Variants in MGAT4A observed in about 807,000 individuals in gnomAD.
The protein encoded by MGAT4A is alpha-1,3-mannosyl-glycoprotein 4-beta-N-acetylglucosaminyltransferase A, also known as N-acetylglucosaminyltransferase IVa.
Under a neutral mutation model 74.1 loss-of-function variants are expected in MGAT4A, and 33 were observed. That is an observed-to-expected ratio of 0.45 (90% confidence interval 0.34 to 0.60). The LOEUF is 0.60. MGAT4A is among the 20% of genes least tolerant of loss of function. The pLI is 0.02. For synonymous variants in MGAT4A, 198 were observed against 210.4 expected (o/e 0.94, Z 0.51); for missense variants, 479 against 628.3 (o/e 0.76, Z 2.54).
intron 8 of MGAT4A, among the ~76,000 whole-genome samples, chr2:98,654,885 C>G (rs1042286265): frequency 6.6e-5 from 10 of 152,152 alleles, no homozygotes; most frequent in Non-Finnish European, 1.5e-4. Context: ...CCTCATACTT[C>G]CTAATTTTAA....
chr2:98,679,384 C>A (rs911725466), intron 2 of MGAT4A, among the ~76,000 whole-genome samples: 7 of 124,798 alleles, frequency 5.6e-5, no homozygotes, highest in African/African-American at 2.2e-4. Flanking sequence ...CCAGCCTGGG[C>A]GACAGAGCAA....
At chr2:98,660,274 A>G (rs1701724020) in intron 5 of MGAT4A, among the ~76,000 whole-genome samples, 1 of 65,898 alleles carries the variant, frequency 1.5e-5, no homozygotes, top group African/African-American at 1.4e-4. Flanking sequence ...GGAAGAATTA[A>G]TATCATTTAA....
chr2:98,658,140 GGCA>G, intron 6 of MGAT4A, 75 bp downstream of exon 6: 2 of 861,120 alleles, frequency 2.3e-6, no homozygotes, highest in Admixed American at 4.5e-5. Flanking sequence ...TATCAAGGAA[GGCA>G]TTTTCTTTTA....
rs4851147 is a variant in MGAT4A, at chr2:98,683,452, T to C, written c.95-4981A>G. Among the ~76,000 whole-genome samples the C allele has an allele frequency of 6.3e-3, 952 of 152,280 alleles. 8 individuals are homozygous for C. The highest frequency in any genetic ancestry group is 0.016 in the Admixed American group (245 of 15,292). ...AAATGGTTCTGAAAAGAAACAAATA[T>C]CTGTAGAAAGGAAGATGATAGAGGC... On this transcript the variant is annotated intron_variant, in intron 2 of 15. Coordinates refer to ENST00000393487, the MANE Select transcript of MGAT4A (RefSeq NM_012214.3).
intron 14 of MGAT4A, among the ~76,000 whole-genome samples, chr2:98,631,535 G>C (rs1701232760): frequency 6.6e-6 from 1 of 152,242 alleles, no homozygotes; most frequent in Non-Finnish European, 1.5e-5. Context: ...CAAGTGGCTG[G>C]ACGTGGAGGG....
chr2:98,712,470 A>C (rs950478936), intron 2 of MGAT4A, among the ~76,000 whole-genome samples: 6 of 152,216 alleles, frequency 3.9e-5, no homozygotes, highest in Non-Finnish European at 8.8e-5. Context: ...ATGTGCACCA[A>C]AATACAGGAA....
intron 2 of MGAT4A, among the ~76,000 whole-genome samples, chr2:98,682,123 T>C (rs1702068055): frequency 6.6e-6 from 1 of 151,946 alleles, no homozygotes. Flanking sequence ...TAATGAACAT[T>C]AGAAAAACTG....
chr2:98,621,380 T>G lies in MGAT4A; in HGVS notation c.*4186A>C, dbSNP rs1701058216. On this transcript the variant is annotated 3_prime_UTR_variant, in exon 16 of 16. Coordinates refer to ENST00000393487, the MANE Select transcript of MGAT4A (RefSeq NM_012214.3). ...CTCCTTTGCTGTTAGCCAAGGCCTCTCTCAGCTCCTCAAAGCCATGTGCAT... is the reference window on the plus strand; with the variant it reads ...CTCCTTTGCTGTTAGCCAAGGCCTCGCTCAGCTCCTCAAAGCCATGTGCAT... The G allele has an allele frequency of 3.9e-6, 6 of 1,545,294 alleles. No individual in the cohort carries two copies. The Admixed American group carries it at 6.0e-5, about 15-fold the overall frequency.
At chr2:98,690,174 C>T (rs1702175707) in intron 2 of MGAT4A, among the ~76,000 whole-genome samples, 1 of 152,174 alleles carries the variant, frequency 6.6e-6, no homozygotes, top group African/African-American at 2.4e-5. Flanking sequence ...AGGCAGGGAG[C>T]CTAGACTTCC....
At chr2:98,720,306 A>G (rs926186338) in intron 2 of MGAT4A, among the ~76,000 whole-genome samples, 4 of 152,196 alleles carry the variant, frequency 2.6e-5, no homozygotes, top group South Asian at 2.1e-4. Flanking sequence ...ACCCTCACCA[A>G]TGTGGGTGGG....
intron 2 of MGAT4A, among the ~76,000 whole-genome samples, chr2:98,697,970 A>C (rs973493151): frequency 7.2e-5 from 11 of 152,224 alleles, no homozygotes; most frequent in South Asian, 6.2e-4. Context: ...TTTTTCATTG[A>C]CTTGATCATT....
intron 2 of MGAT4A, among the ~76,000 whole-genome samples, chr2:98,685,479 G>A (rs561385209): frequency 2.0e-5 from 3 of 151,950 alleles, no homozygotes; most frequent in Non-Finnish European, 2.9e-5. Context: ...GAAAGAAGAT[G>A]GCCTAGATGA....
intron 2 of MGAT4A, among the ~76,000 whole-genome samples, chr2:98,711,794 C>T (rs990853013): frequency 3.3e-5 from 5 of 152,252 alleles, no homozygotes; most frequent in African/African-American, 1.2e-4. Context: ...AAAGCCATCA[C>T]ACTCGGCTAA....
intron 5 of MGAT4A, among the ~76,000 whole-genome samples, chr2:98,659,493 T>C (rs1455179440): frequency 6.6e-6 from 1 of 152,124 alleles, no homozygotes; most frequent in Non-Finnish European, 1.5e-5. Context: ...GCCCTATTGA[T>C]ATGGTTTGGC....
intron 2 of MGAT4A, among the ~76,000 whole-genome samples, chr2:98,690,972 G>C (rs2104302283): frequency 6.6e-6 from 1 of 152,242 alleles, no homozygotes; most frequent in South Asian, 2.1e-4. Context: ...AAAATTAACA[G>C]AGCCTCAGGG....
chr2:98,723,210 G>C (rs1369433733), intron 2 of MGAT4A, among the ~76,000 whole-genome samples: 1 of 152,142 alleles, frequency 6.6e-6, no homozygotes, highest in Non-Finnish European at 1.5e-5. Context: ...AACTGTACTT[G>C]TAAGATTCTC....
chr2:98,641,571 G>A (rs1701410501), intron 10 of MGAT4A, among the ~76,000 whole-genome samples: 1 of 151,682 alleles, frequency 6.6e-6, no homozygotes, highest in South Asian at 2.1e-4. Context: ...AGCTATGCAG[G>A]AGGCTGAGGC....
At chr2:98,720,296 AC>A (rs1702648819) in intron 2 of MGAT4A, among the ~76,000 whole-genome samples, 1 of 152,106 alleles carries the variant, frequency 6.6e-6, no homozygotes, top group Non-Finnish European at 1.5e-5. Flanking sequence ...AAAGAACATG[AC>A]CCTCACCAAT....
At chr2:98,648,657 G>A (rs1701531751) in intron 8 of MGAT4A, among the ~76,000 whole-genome samples, 1 of 151,804 alleles carries the variant, frequency 6.6e-6, no homozygotes, top group Non-Finnish European at 1.5e-5. Flanking sequence ...CAAGGATGCA[G>A]CGAGCTGTGA....
Sources: allele counts gnomAD v4.1 joint callset (sites outside exome capture counted in the v4.1 genomes callset), GRCh38; gene constraint gnomAD v4.1.1; transcripts MANE v1.5; gene names NCBI Gene and HGNC (gene_info 2026-07-23, HGNC 2026-07-21).